NBEA: variants seen among roughly 807,000 people sequenced by gnomAD.
The protein encoded by NBEA is neurobeachin.
NBEA carries 44 observed loss-of-function variants against 343.4 expected under a neutral mutation model. That is an observed-to-expected ratio of 0.13 (90% CI 0.10 to 0.16). The LOEUF (loss-of-function observed/expected upper bound fraction) is 0.16. NBEA is among the 10% of genes least tolerant of loss of function. The pLI, the probability that NBEA is intolerant of heterozygous loss-of-function variation, is 1.00. For missense variants in NBEA, 2,555 were observed against 3,631.3 expected (o/e 0.70, Z 7.62); for synonymous variants, 1,175 against 1,238.7 (o/e 0.95, Z 1.08).
At chr13:35,106,404 C>T (rs1377651670) in intron 11 of NBEA, among the ~76,000 whole-genome samples, 1 of 151,846 alleles carries the variant, frequency 6.6e-6, no homozygotes, top group African/African-American at 2.4e-5. Context: ...CTATTCTATT[C>T]TTACTGTTTT....
At position 35,452,185 on chromosome 13, in the gene NBEA, A is replaced by G; in HGVS notation, c.6398A>G (p.Asp2133Gly). The change falls in exon 40 of 59, where the codon GAC becomes GGC. Residue 2133 changes from aspartate to glycine, a missense_variant. Physicochemically the swap from Asp to Gly is moderately conservative, Grantham distance 94. Around this residue, in one of 21 missense-constraint regions of NBEA, gnomAD observed 246 missense variants for 313.7 expected, o/e 0.78. Transcript: ENST00000379939. ...NAETELMLEG[D>G]DDAVSLLQEK... ...GAGACAGAACTTATGCTGGAAGGAG[A>G]CGATGATGCAGTCAGTCTGCTACAG... 6.2e-7 allele frequency: 1 copy of G among 1,605,268 alleles called. No individual in the cohort carries two copies. The highest frequency in any genetic ancestry group is 8.5e-7 in the Non-Finnish European group (1 of 1,174,978).
intron 55 of NBEA, among the ~76,000 whole-genome samples, chr13:35,658,220 A>G (rs982777423): frequency 2.9e-4 from 44 of 152,346 alleles, no homozygotes; most frequent in African/African-American, 9.4e-4. Context: ...TAAAGATATT[A>G]TGACAAAATT....
chr13:35,559,390 C>T (rs902026579), intron 44 of NBEA, among the ~76,000 whole-genome samples: 14 of 152,118 alleles, frequency 9.2e-5, no homozygotes, highest in East Asian at 3.9e-4. Context: ...TTTAGGGATA[C>T]GGTTATTGTT....
chr13:35,452,096 G>T lies in NBEA; in HGVS notation c.6309G>T (p.Thr2103=). The change falls in exon 40 of 59, where the codon ACG becomes ACT. Residue 2103 remains threonine (T), a synonymous_variant. Transcript: ENST00000379939. The stretch of plus-strand genomic sequence containing the variant: ...TTATATTTTTGTTGTGATTAGGCAC[G>T]GAAGAAGATGTAGTAAAGTCAAAGA... ...ALLKAAIEYG[T]EEDVVKSKKT... 2 of 1,610,518 alleles carry T rather than the reference G, an allele frequency of 1.2e-6. No homozygotes were observed. Among genetic ancestry groups the T allele is most frequent in the South Asian group, 2.2e-5 (2 of 90,362 alleles).
chr13:35,240,079 C>G (rs1373777535), intron 34 of NBEA, among the ~76,000 whole-genome samples: 2 of 150,826 alleles, frequency 1.3e-5, no homozygotes, highest in Non-Finnish European at 3.0e-5. Context: ...TTGCACCAAC[C>G]AATAATAACT....
chr13:35,426,244 G>A (rs919131996), intron 38 of NBEA, among the ~76,000 whole-genome samples: 5 of 152,158 alleles, frequency 3.3e-5, no homozygotes, highest in African/African-American at 7.2e-5. Flanking sequence ...TCCTAGCCTC[G>A]ATGTTCGTTA....
chr13:35,097,018 C>G (rs1204798362), intron 10 of NBEA, among the ~76,000 whole-genome samples: 2 of 151,592 alleles, frequency 1.3e-5, no homozygotes, highest in African/African-American at 4.8e-5. Context: ...TTTTAATTTC[C>G]TGTAATGAAG....
intron 1 of NBEA, among the ~76,000 whole-genome samples, chr13:35,002,772 G>A (rs184661311): frequency 3.1e-4 from 47 of 152,152 alleles, no homozygotes; most frequent in African/African-American, 1.1e-3. Context: ...AATCTGTTTC[G>A]GGATGCCATG....
intron 1 of NBEA, among the ~76,000 whole-genome samples, chr13:34,998,450 G>T (rs936133205): frequency 5.3e-5 from 8 of 152,134 alleles, no homozygotes; most frequent in South Asian, 2.1e-4. Context: ...ATCCTAATAA[G>T]CCTGGGAGTG....
intron 41 of NBEA, chr13:35,476,536 T>A: frequency 1.6e-6 from 1 of 610,794 alleles, no homozygotes; most frequent in Non-Finnish European, 2.9e-6. Flanking sequence ...CTTCCAGTAG[T>A]CAAAATAAGC....
At chr13:35,087,810 A>T (rs1437771739) in intron 10 of NBEA, among the ~76,000 whole-genome samples, 1 of 151,934 alleles carries the variant, frequency 6.6e-6, no homozygotes, top group Non-Finnish European at 1.5e-5. Context: ...TACTTGATGT[A>T]GGAACAAATG....
At chr13:35,640,920 C>T (rs1175999031) in intron 49 of NBEA, among the ~76,000 whole-genome samples, 2 of 151,886 alleles carry the variant, frequency 1.3e-5, no homozygotes, top group African/African-American at 2.4e-5. Context: ...ACCTATTTCT[C>T]GGTGAGTCTT....
intron 6 of NBEA, 61 bp downstream of exon 6, chr13:35,050,456 T>A: frequency 1.3e-6 from 2 of 1,509,688 alleles, no homozygotes; most frequent in Non-Finnish European, 9.0e-7. Context: ...AACTCTCCTT[T>A]TATGAGCTCT....
intron 41 of NBEA, among the ~76,000 whole-genome samples, chr13:35,505,634 G>A (rs777618693): frequency 1.4e-4 from 22 of 152,144 alleles, no homozygotes; most frequent in Non-Finnish European, 2.9e-4. Context: ...AATAACCAGA[G>A]TACAATTTTG....
intron 23 of NBEA, 143 bp downstream of exon 23, chr13:35,162,110 C>T (rs759190242): frequency 1.5e-6 from 1 of 659,094 alleles, no homozygotes; most frequent in Admixed American, 3.0e-5. Context: ...AAATTAATAC[C>T]ATGTACTAAA....
intron 11 of NBEA, among the ~76,000 whole-genome samples, chr13:35,104,909 A>G (rs1164507426): frequency 2.0e-5 from 3 of 152,008 alleles, no homozygotes; most frequent in East Asian, 1.9e-4. Flanking sequence ...AGGAAAATAT[A>G]CTAACTGATG....
intron 1 of NBEA, among the ~76,000 whole-genome samples, chr13:35,040,547 C>G (rs1284941961): frequency 6.6e-6 from 1 of 151,488 alleles, no homozygotes; most frequent in Non-Finnish European, 1.5e-5. Context: ...CTAGTAATGT[C>G]AAAAAAAATG....
At chr13:35,026,362 G>A (rs926136964) in intron 1 of NBEA, among the ~76,000 whole-genome samples, 3 of 152,230 alleles carry the variant, frequency 2.0e-5, no homozygotes, top group South Asian at 4.1e-4. Flanking sequence ...TAATCTCACT[G>A]TATTTCTCTG....
chr13:35,288,048 C>T, intron 34 of NBEA, among the ~76,000 whole-genome samples: 1 of 151,798 alleles, frequency 6.6e-6, no homozygotes, highest in Non-Finnish European at 1.5e-5. Flanking sequence ...TTAGTACTAA[C>T]ATTATATTTT....
Sources: allele counts gnomAD v4.1 joint callset (sites outside exome capture counted in the v4.1 genomes callset), GRCh38; gene constraint gnomAD v4.1.1; regional missense constraint gnomAD v4.1.1; transcripts MANE v1.5; gene names NCBI Gene and HGNC (gene_info 2026-07-23, HGNC 2026-07-21).